Variants in GLRA1 observed in about 807,000 individuals in gnomAD.
GLRA1 encodes glycine receptor alpha 1.
GLRA1 carries 37 observed loss-of-function variants against 48.3 expected under a neutral mutation model. The ratio of observed to expected loss-of-function variants is 0.77; its 90% CI spans 0.59 to 1.01. The LOEUF is 1.01. GLRA1 is among the 50% of genes least tolerant of loss of function. GLRA1 has a pLI of 0.00. For missense variants in GLRA1, 427 were observed against 571.0 expected (o/e 0.75, Z 2.57); for synonymous variants, 196 against 210.7 (o/e 0.93, Z 0.60).
At chr5:151,914,886 T>G (rs1754700205) in intron 1 of GLRA1, among the ~76,000 whole-genome samples, 1 of 152,232 alleles carries the variant, frequency 6.6e-6, no homozygotes, top group Admixed American at 6.5e-5. Context: ...CTTGATTTTC[T>G]AGAGAGGCAA....
At chr5:151,835,918 C>T (rs747055573) in intron 7 of GLRA1, among the ~76,000 whole-genome samples, 23 of 152,306 alleles carry the variant, frequency 1.5e-4, no homozygotes, top group Middle Eastern at 3.4e-3. Context: ...GATTCCCTCT[C>T]TCACCACTCC....
intron 1 of GLRA1, among the ~76,000 whole-genome samples, chr5:151,921,439 G>A (rs915368957): frequency 5.9e-5 from 9 of 152,204 alleles, no homozygotes; most frequent in African/African-American, 2.2e-4. Flanking sequence ...TCATGACTCA[G>A]GGAGGTAGTG....
intron 1 of GLRA1, among the ~76,000 whole-genome samples, chr5:151,922,701 C>T (rs1182934873): frequency 6.6e-6 from 1 of 152,250 alleles, no homozygotes; most frequent in East Asian, 1.9e-4. Flanking sequence ...GGATTCATAA[C>T]CTTATCAAAA....
At chr5:151,826,102 TG>T (rs1379207416) in intron 8 of GLRA1, among the ~76,000 whole-genome samples, 1 of 152,194 alleles carries the variant, frequency 6.6e-6, no homozygotes, top group Non-Finnish European at 1.5e-5. Flanking sequence ...TAAAGTGAGT[TG>T]GGGCTGAAAA....
At chr5:151,868,324 A>C (rs1283933151) in intron 3 of GLRA1, among the ~76,000 whole-genome samples, 1 of 152,234 alleles carries the variant, frequency 6.6e-6, no homozygotes, top group African/African-American at 2.4e-5. Context: ...ATTAATAATA[A>C]CAATGCAAAT....
chr5:151,831,500 G>T (rs1331799900), intron 7 of GLRA1, among the ~76,000 whole-genome samples: 1 of 152,158 alleles, frequency 6.6e-6, no homozygotes, highest in Non-Finnish European at 1.5e-5. Flanking sequence ...TTGAGTAGGC[G>T]GTTTCCCCCT....
chr5:151,840,692 T>C (rs1468361824), intron 7 of GLRA1, among the ~76,000 whole-genome samples: 2 of 139,926 alleles, frequency 1.4e-5, no homozygotes, highest in African/African-American at 5.4e-5. Flanking sequence ...ATGTAAACAG[T>C]AACCAAAAGA....
intron 4 of GLRA1, among the ~76,000 whole-genome samples, chr5:151,858,504 C>T (rs760497158): frequency 2.0e-4 from 31 of 152,186 alleles, no homozygotes; most frequent in Non-Finnish European, 3.8e-4. Flanking sequence ...TTACCATCCC[C>T]GCAGCCAGCT....
intron 3 of GLRA1, among the ~76,000 whole-genome samples, chr5:151,877,285 A>C (rs763220198): frequency 1.7e-4 from 26 of 152,184 alleles, no homozygotes; most frequent in Non-Finnish European, 3.2e-4. Flanking sequence ...TCTGCAGCAG[A>C]CTTTAGATGA....
At chr5:151,865,446 A>T (rs1753310710) in intron 3 of GLRA1, among the ~76,000 whole-genome samples, 1 of 152,228 alleles carries the variant, frequency 6.6e-6, no homozygotes. Context: ...AGAGTGTGGC[A>T]CTTTGGAAAG....
At chr5:151,850,612 T>A in intron 7 of GLRA1, 1 of 1,477,890 alleles carries the variant, frequency 6.8e-7, no homozygotes, top group East Asian at 2.3e-5. Context: ...ACGACTTTTC[T>A]GCTGGTGTAG....
At chr5:151,830,859 G>A (rs1393419296) in intron 7 of GLRA1, among the ~76,000 whole-genome samples, 5 of 152,228 alleles carry the variant, frequency 3.3e-5, no homozygotes, top group East Asian at 1.9e-4. Context: ...TGGCTGGCAA[G>A]ATGGCCAAAT....
chr5:151,910,154 C>T (rs1389159145), intron 1 of GLRA1, among the ~76,000 whole-genome samples: 3 of 152,150 alleles, frequency 2.0e-5, no homozygotes, highest in Non-Finnish European at 1.5e-5. Context: ...CTGATTTTTA[C>T]TTAGAGAAAA....
chr5:151,862,589 T>C (rs1275186655), intron 3 of GLRA1, among the ~76,000 whole-genome samples: 1 of 152,216 alleles, frequency 6.6e-6, no homozygotes, highest in Admixed American at 6.5e-5. Context: ...TACTGCAGTG[T>C]AGTTATTCCA....
chr5:151,903,126 T>C (rs922560092), intron 1 of GLRA1, among the ~76,000 whole-genome samples: 1 of 152,108 alleles, frequency 6.6e-6, no homozygotes, highest in African/African-American at 2.4e-5. Context: ...AGCAAAACTA[T>C]AGTATTTATT....
intron 2 of GLRA1, among the ~76,000 whole-genome samples, chr5:151,891,266 C>T (rs1236248553): frequency 2.6e-5 from 4 of 152,172 alleles, no homozygotes; most frequent in African/African-American, 9.7e-5. Flanking sequence ...GAGATGGCTG[C>T]AACCTCCTGA....
In GLRA1 at chr5:151,848,977, C is replaced by G. The variant is rs1283269354; in HGVS notation, c.912+2413G>C. 4 of 710,922 alleles carry G rather than the reference C, an allele frequency of 5.6e-6. No homozygotes were observed. In the Admixed American group the frequency reaches 7.1e-5, roughly 13 times the overall value. The allele number at this position is 710,922 out of a possible 1,614,324, so 44.0% of individuals were successfully genotyped here. ...GTGAGAAAGTCCAGGCCATGTATGT[C>G]TGGATCGATGGTACTGGAGAAGGAT... On this transcript the variant is annotated intron_variant, in intron 7 of 8. Transcript: ENST00000274576.
At chr5:151,912,628 T>C (rs1018981572) in intron 1 of GLRA1, among the ~76,000 whole-genome samples, 7 of 152,050 alleles carry the variant, frequency 4.6e-5, no homozygotes, top group South Asian at 2.1e-4. Flanking sequence ...TGCTTTAGGG[T>C]TGGTTGTTTG....
intron 3 of GLRA1, among the ~76,000 whole-genome samples, chr5:151,884,178 C>T (rs6885939): frequency 6.6e-6 from 1 of 152,076 alleles, no homozygotes. Flanking sequence ...TCTGTAATCC[C>T]AACACTTTGG....
Sources: gnomAD v4.1 joint callset for allele counts (sites outside exome capture counted in the v4.1 genomes callset) on GRCh38, gnomAD v4.1.1 for gene constraint, MANE v1.5 for transcripts, NCBI Gene and HGNC (gene_info 2026-07-23, HGNC 2026-07-21) for gene names.